The following TMTC1 variants were observed in gnomAD, a reference collection of about 807,000 sequenced individuals.
TMTC1 encodes protein O-mannosyl-transferase TMTC1.
A neutral mutation model predicts 104.8 loss-of-function variants in TMTC1; 73 were observed. The ratio of observed to expected loss-of-function variants is 0.70; its 90% confidence interval spans 0.58 to 0.85. The LOEUF is 0.85. Ranked by LOEUF, TMTC1 falls within the 40% of genes least tolerant of loss-of-function variation. The pLI is 0.00. For synonymous variants in TMTC1, 434 were observed against 428.7 expected, an observed-to-expected ratio of 1.01 and a Z score of -0.15; for missense variants, 1,035 against 1,096.1, an observed-to-expected ratio of 0.94 and a Z score of 0.79.
At chr12:29,523,024 G>T (rs571268427) in intron 11 of TMTC1, among the ~76,000 whole-genome samples, 1 of 152,268 alleles carries the variant, frequency 6.6e-6, no homozygotes, top group South Asian at 2.1e-4. Flanking sequence ...GTGGGCCAAT[G>T]GGGAATTGGG....
intron 11 of TMTC1, chr12:29,529,787 A>G (rs530214864): frequency 6.6e-6 from 1 of 152,196 alleles, no homozygotes; most frequent in South Asian, 2.1e-4. Flanking sequence ...TCCAACTAAA[A>G]TGAATCAATT....
intron 9 of TMTC1, among the ~76,000 whole-genome samples, chr12:29,561,556 A>G (rs1246992772): frequency 6.6e-6 from 1 of 152,232 alleles, no homozygotes; most frequent in East Asian, 1.9e-4. Flanking sequence ...TGTAAGATTT[A>G]CATACGTGCT....
intron 5 of TMTC1, among the ~76,000 whole-genome samples, chr12:29,679,634 AT>A (rs1316169323): frequency 1.4e-5 from 2 of 142,464 alleles, no homozygotes; most frequent in African/African-American, 5.1e-5. Flanking sequence ...TGTGTACAAC[AT>A]GCTATCATTT....
chr12:29,719,081 T>C (rs1942163332), intron 5 of TMTC1, among the ~76,000 whole-genome samples: 1 of 152,128 alleles, frequency 6.6e-6, no homozygotes, highest in Admixed American at 6.6e-5. Flanking sequence ...ACAATTGTAA[T>C]TGTCAGTGTT....
intron 10 of TMTC1, among the ~76,000 whole-genome samples, chr12:29,545,767 C>T (rs1944927611): frequency 6.6e-6 from 1 of 151,824 alleles, no homozygotes; most frequent in African/African-American, 2.4e-5. Flanking sequence ...TGATTCATTG[C>T]ATATTTTATA....
intron 1 of TMTC1, among the ~76,000 whole-genome samples, chr12:29,779,284 G>C (rs1565831538): frequency 6.6e-6 from 1 of 152,220 alleles, no homozygotes; most frequent in African/African-American, 2.4e-5. Flanking sequence ...AAATCTTGCA[G>C]AAATTTTTCT....
rs184443875 is a variant in TMTC1 at position 29,619,862 on chromosome 12, C to T, written c.1128+13285G>A. Among the ~76,000 whole-genome samples, 19 of 152,270 alleles carry T rather than the reference C, an allele frequency of 1.2e-4. No homozygotes were observed. In the East Asian group the frequency reaches 3.3e-3, roughly 26 times the overall value. The stretch of plus-strand genomic sequence containing the variant: ...CGAACTATGCTTCTGCACTTAAAAC[C>T]TGCACTTAAAAGTGTGTTACTACTA... On this transcript the variant is annotated intron_variant, in intron 6 of 17. Transcript: ENST00000539277.
At chr12:29,509,269 T>C (rs946751601) in intron 17 of TMTC1, among the ~76,000 whole-genome samples, 2 of 152,346 alleles carry the variant, frequency 1.3e-5, no homozygotes, top group East Asian at 1.9e-4. Flanking sequence ...ATAAAAAATG[T>C]ATTATAATTT....
At chr12:29,640,230 C>T (rs1175235575) in intron 5 of TMTC1, among the ~76,000 whole-genome samples, 4 of 152,100 alleles carry the variant, frequency 2.6e-5, no homozygotes, top group South Asian at 2.1e-4. Flanking sequence ...TCCAATTAAC[C>T]GAGCTCAATT....
chr12:29,773,140 C>T (rs915255578), intron 1 of TMTC1, among the ~76,000 whole-genome samples: 1 of 152,160 alleles, frequency 6.6e-6, no homozygotes, highest in African/African-American at 2.4e-5. Context: ...ACCCAAATCG[C>T]CCCTTCTCCA....
At chr12:29,515,387 C>T (rs867130304) in intron 15 of TMTC1, among the ~76,000 whole-genome samples, 3 of 152,190 alleles carry the variant, frequency 2.0e-5, no homozygotes. Context: ...CTTGGCCTGG[C>T]CCCAAGGAGT....
chr12:29,745,293 G>C (rs1237975123), intron 5 of TMTC1, among the ~76,000 whole-genome samples: 1 of 152,032 alleles, frequency 6.6e-6, no homozygotes, highest in Non-Finnish European at 1.5e-5. Context: ...AAAGGGCACA[G>C]GGTCTTAGCA....
In TMTC1 at chr12:29,578,257, T is replaced by G. The variant is rs78439223; in HGVS notation, c.1418+5150A>C. Reference sequence around the variant, plus strand: ...ACACACTGCTTTTTCCCATCGTTGGTTTTGACCTTTATGTTCTCTCTGTGA... The same window carrying G: ...ACACACTGCTTTTTCCCATCGTTGGGTTTGACCTTTATGTTCTCTCTGTGA... On this transcript the variant is annotated intron_variant, in intron 8 of 17. Coordinates refer to ENST00000539277, the MANE Select transcript of TMTC1 (RefSeq NM_001193451.2). 6.4e-3 allele frequency among the ~76,000 whole-genome samples: 980 copies of G among 152,170 alleles called. 13 individuals carry two copies. The highest frequency in any genetic ancestry group is 0.023 in the African/African-American group (940 of 41,534).
chr12:29,692,891 C>A (rs890989373), intron 5 of TMTC1, among the ~76,000 whole-genome samples: 1 of 144,042 alleles, frequency 6.9e-6, no homozygotes, highest in Non-Finnish European at 1.5e-5. Context: ...AAGCCTGACA[C>A]AAAATAACAC....
chr12:29,585,106 T>C (rs1432683824), intron 7 of TMTC1, among the ~76,000 whole-genome samples: 9 of 149,948 alleles, frequency 6.0e-5, no homozygotes, highest in African/African-American at 2.0e-4. Flanking sequence ...CACCTGTTGT[T>C]TCCTGACTTT....
intron 2 of TMTC1, among the ~76,000 whole-genome samples, chr12:29,762,688 G>T (rs1370910527): frequency 6.6e-6 from 1 of 152,228 alleles, no homozygotes; most frequent in South Asian, 2.1e-4. Context: ...ATTACCTGAC[G>T]TGGCTGCTTG....
intron 5 of TMTC1, among the ~76,000 whole-genome samples, chr12:29,662,573 C>T (rs1940080567): frequency 1.3e-5 from 2 of 150,724 alleles, no homozygotes; most frequent in Non-Finnish European, 2.9e-5. Context: ...TCATTTGAAC[C>T]CGGGAGGCGG....
chr12:29,776,417 GAGAA>G (rs1458088918), intron 1 of TMTC1, among the ~76,000 whole-genome samples: 1 of 152,078 alleles, frequency 6.6e-6, no homozygotes, highest in Non-Finnish European at 1.5e-5. Context: ...TTTTCTCTTT[GAGAA>G]AGAAAGAACA....
In TMTC1 at chr12:29,632,197, C is replaced by T. The variant is rs1938333272; in HGVS notation, c.1128+950G>A. ...TTACCAGCCAATTCCAACCAGTAAA[C>T]TTATTAATTTTTACTGCTAGATCTG... On this transcript the variant is annotated intron_variant, in intron 6 of 17. Coordinates refer to ENST00000539277, the MANE Select transcript of TMTC1 (RefSeq NM_001193451.2). Among the ~76,000 whole-genome samples the T allele has an allele frequency of 2.6e-5, 4 of 152,300 alleles. No homozygotes were observed. In the South Asian group the frequency reaches 8.3e-4, roughly 32 times the overall value.
Sources: gnomAD v4.1 joint callset for allele counts (sites outside exome capture counted in the v4.1 genomes callset) on GRCh38, gnomAD v4.1.1 for gene constraint, MANE v1.5 for transcripts, NCBI Gene and HGNC (gene_info 2026-07-23, HGNC 2026-07-21) for gene names.